CCDC148: variants seen among roughly 807,000 people sequenced by gnomAD.
CCDC148 encodes coiled-coil domain-containing protein 148.
Under a neutral mutation model 85.7 loss-of-function variants are expected in CCDC148, and 89 were observed. That is an observed-to-expected ratio of 1.04 (90% CI 0.87 to 1.24). The LOEUF is 1.24. Among genes scored for constraint, CCDC148 ranks in the 50% most tolerant of loss-of-function variants. CCDC148 has a pLI of 0.00. For missense variants in CCDC148, 692 were observed against 671.7 expected (o/e 1.03, Z -0.33); for synonymous variants, 230 against 213.9 (o/e 1.08, Z -0.66).
chr2:158,311,340 G>A (rs148635493), intron 8 of CCDC148, among the ~76,000 whole-genome samples: 4,091 of 152,328 alleles, frequency 0.027, 72 homozygotes, highest in Middle Eastern at 0.092. Context: ...GCGTGGCGGC[G>A]CGAGCCTGCA....
intron 1 of CCDC148, among the ~76,000 whole-genome samples, chr2:158,398,960 C>A (rs1685651412): frequency 6.6e-6 from 1 of 152,140 alleles, no homozygotes; most frequent in Admixed American, 6.5e-5. Flanking sequence ...ACCGATCCCA[C>A]AGAAATACAA....
intron 11 of CCDC148, among the ~76,000 whole-genome samples, chr2:158,216,380 A>G (rs1686856684): frequency 1.4e-5 from 2 of 146,798 alleles, no homozygotes; most frequent in Non-Finnish European, 1.5e-5. Flanking sequence ...AACAAAAAGC[A>G]CAATACTTTT....
intron 1 of CCDC148, among the ~76,000 whole-genome samples, chr2:158,372,499 A>G (rs1470838837): frequency 6.6e-6 from 1 of 152,030 alleles, no homozygotes; most frequent in Non-Finnish European, 1.5e-5. Flanking sequence ...CATTTTGGAC[A>G]TGCTTAAATT....
chr2:158,400,905 C>T (rs1248093316), intron 1 of CCDC148, among the ~76,000 whole-genome samples: 2 of 152,204 alleles, frequency 1.3e-5, no homozygotes, highest in African/African-American at 4.8e-5. Context: ...TGAACAGACA[C>T]TTCTCAAAAG....
chr2:158,401,986 G>C (rs1685805936), intron 1 of CCDC148, among the ~76,000 whole-genome samples: 1 of 151,982 alleles, frequency 6.6e-6, no homozygotes, highest in African/African-American at 2.4e-5. Context: ...CACACAATCT[G>C]AAATTTATCT....
intron 1 of CCDC148, among the ~76,000 whole-genome samples, chr2:158,406,664 C>A (rs1686039394): frequency 1.6e-5 from 1 of 62,062 alleles, no homozygotes; most frequent in Non-Finnish European, 3.4e-5. Flanking sequence ...CCTCCATTAC[C>A]CAGGCTGGAG....
intron 11 of CCDC148, among the ~76,000 whole-genome samples, chr2:158,212,832 G>A (rs999216861): frequency 2.0e-5 from 3 of 152,086 alleles, no homozygotes; most frequent in African/African-American, 7.2e-5. Context: ...ATGAATATAA[G>A]TTTCACCTAT....
chr2:158,380,710 A>G (rs917473265), intron 1 of CCDC148: 8 of 152,216 alleles, frequency 5.3e-5, no homozygotes, highest in African/African-American at 1.9e-4. Flanking sequence ...ATAGTACCAT[A>G]TACCAAGATC....
chr2:158,279,148 C>G (rs1453650077), intron 9 of CCDC148, among the ~76,000 whole-genome samples: 1 of 152,094 alleles, frequency 6.6e-6, no homozygotes, highest in Non-Finnish European at 1.5e-5. Context: ...TCATCAAACA[C>G]CAAAAGTAGA....
intron 9 of CCDC148, among the ~76,000 whole-genome samples, chr2:158,283,010 G>C (rs1276411911): frequency 2.0e-5 from 3 of 152,084 alleles, no homozygotes; most frequent in East Asian, 3.9e-4. Flanking sequence ...ACAAACCTGA[G>C]AAAAACAAGC....
At chr2:158,377,289 T>G (rs1389802103) in intron 1 of CCDC148, among the ~76,000 whole-genome samples, 3 of 145,264 alleles carry the variant, frequency 2.1e-5, no homozygotes, top group African/African-American at 7.7e-5. Flanking sequence ...GTGGGGGGGG[T>G]GGGGTACAAA....
intron 11 of CCDC148, among the ~76,000 whole-genome samples, chr2:158,185,013 A>G (rs1184969580): frequency 6.6e-6 from 1 of 152,206 alleles, no homozygotes; most frequent in African/African-American, 2.4e-5. Context: ...TTATCAAGAC[A>G]AAACCAGTTA....
intron 11 of CCDC148, among the ~76,000 whole-genome samples, chr2:158,186,456 TTCTGACACTG>T (rs1685159943): frequency 6.6e-6 from 1 of 152,106 alleles, no homozygotes; most frequent in African/African-American, 2.4e-5. Context: ...CCTGTCACCC[TTCTGACACTG>T]TCACCCATTT....
At chr2:158,312,338 T>G (rs1221807934) in intron 8 of CCDC148, among the ~76,000 whole-genome samples, 1 of 151,884 alleles carries the variant, frequency 6.6e-6, no homozygotes, top group African/African-American at 2.4e-5. Context: ...GAAGTAAATG[T>G]ATTGGGAGGC....
chr2:158,406,364 A>G lies in CCDC148; in HGVS notation c.26-47794T>C, dbSNP rs368208291. On this transcript the variant is annotated intron_variant, in intron 1 of 13. Coordinates refer to ENST00000283233, the MANE Select transcript of CCDC148 (RefSeq NM_138803.4). ...AAATGGGCACTGATATCCCAACTAC[A>G]TGGTGCTCGCTAGGCCACAGGTCCT... Among the ~76,000 whole-genome samples the G allele has an allele frequency of 4.8e-4, 73 of 152,088 alleles. 1 individual carries two copies. Among genetic ancestry groups the G allele is most frequent in the Middle Eastern group, 6.8e-3 (2 of 294 alleles).
At chr2:158,213,783 GGTAA>G (rs1686699791) in intron 11 of CCDC148, among the ~76,000 whole-genome samples, 1 of 152,020 alleles carries the variant, frequency 6.6e-6, no homozygotes, top group African/African-American at 2.4e-5. Flanking sequence ...CTGGGAACAG[GGTAA>G]GTGTTTAAAA....
intron 1 of CCDC148, among the ~76,000 whole-genome samples, chr2:158,451,973 C>T (rs1257465574): frequency 1.3e-5 from 2 of 151,924 alleles, no homozygotes; most frequent in Non-Finnish European, 2.9e-5. Flanking sequence ...AAAAATCTCA[C>T]AAAACAAAAA....
intron 9 of CCDC148, among the ~76,000 whole-genome samples, chr2:158,294,002 CTCCT>C (rs1185894027): frequency 2.6e-3 from 40 of 15,204 alleles, no homozygotes; most frequent in African/African-American, 6.8e-3. Context: ...CCCTCCCTCC[CTCCT>C]TCCTTCCTTC....
At chr2:158,394,888 A>G (rs1685460221) in intron 1 of CCDC148, among the ~76,000 whole-genome samples, 1 of 152,066 alleles carries the variant, frequency 6.6e-6, no homozygotes, top group Admixed American at 6.6e-5. Flanking sequence ...TCCTTCTAAA[A>G]TGAGTTATCT....
Sources: gnomAD v4.1 joint callset for allele counts (sites outside exome capture counted in the v4.1 genomes callset) on GRCh38, gnomAD v4.1.1 for gene constraint, MANE v1.5 for transcripts, NCBI Gene and HGNC (gene_info 2026-07-23, HGNC 2026-07-21) for gene names.